Variants in PTPRB observed in about 807,000 individuals in gnomAD.
The protein encoded by PTPRB is receptor-type tyrosine-protein phosphatase beta.
Under a neutral mutation model 238.1 loss-of-function variants are expected in PTPRB, and 97 were observed. That is an observed-to-expected ratio of 0.41 (90% CI 0.35 to 0.48). The LOEUF is 0.48. PTPRB is among the 20% of genes least tolerant of loss of function. The pLI, the probability that PTPRB is intolerant of heterozygous loss-of-function variation, is 0.30. For missense variants in PTPRB, 2,292 were observed against 2,681.9 expected, an observed-to-expected ratio of 0.85 and a Z score of 3.21; for synonymous variants, 970 against 995.4, an observed-to-expected ratio of 0.97 and a Z score of 0.48.
chr12:70,618,963 A>C (rs927905621), intron 3 of PTPRB, among the ~76,000 whole-genome samples: 6 of 152,138 alleles, frequency 3.9e-5, no homozygotes, highest in African/African-American at 1.2e-4. Flanking sequence ...TCACACTGGC[A>C]GGTAAGGATG....
intron 3 of PTPRB, among the ~76,000 whole-genome samples, chr12:70,615,282 C>T (rs1237290303): frequency 2.0e-5 from 3 of 151,988 alleles, no homozygotes; most frequent in African/African-American, 7.3e-5. Flanking sequence ...AAATCATACC[C>T]AAGAAACTCT....
At chr12:70,610,005 G>A (rs1029745290) in intron 3 of PTPRB, among the ~76,000 whole-genome samples, 8 of 152,018 alleles carry the variant, frequency 5.3e-5, no homozygotes, top group African/African-American at 1.7e-4. Context: ...CGCCCCGGGC[G>A]GGCTGCGGAC....
intron 7 of PTPRB, chr12:70,591,913 T>C (rs1211916309): frequency 4.0e-6 from 1 of 252,354 alleles, no homozygotes; most frequent in Admixed American, 5.1e-5. Flanking sequence ...AGGCACTGGA[T>C]AGATAAGTGA....
intron 3 of PTPRB, among the ~76,000 whole-genome samples, chr12:70,621,533 G>C (rs1341236700): frequency 6.6e-6 from 1 of 152,166 alleles, no homozygotes; most frequent in Non-Finnish European, 1.5e-5. Context: ...AAAGTCCCAT[G>C]AGTTATTCAA....
intron 3 of PTPRB, among the ~76,000 whole-genome samples, chr12:70,618,988 G>A (rs1469335700): frequency 1.2e-4 from 18 of 152,122 alleles, no homozygotes; most frequent in Non-Finnish European, 2.9e-5. Context: ...AAGAGAGAGA[G>A]AAAAGGAGAA....
chr12:70,607,152 A>G (rs1884010159), intron 4 of PTPRB, among the ~76,000 whole-genome samples: 1 of 152,240 alleles, frequency 6.6e-6, no homozygotes, highest in Non-Finnish European at 1.5e-5. Context: ...CTAACTAATT[A>G]CACCCACAGT....
intron 9 of PTPRB, among the ~76,000 whole-genome samples, chr12:70,586,572 A>G (rs997065217): frequency 6.6e-6 from 1 of 152,176 alleles, no homozygotes; most frequent in Non-Finnish European, 1.5e-5. Context: ...TTGCCTACTC[A>G]TGGAATAACT....
intron 3 of PTPRB, chr12:70,609,751 G>T (rs1326617221): frequency 1.3e-6 from 2 of 1,573,802 alleles, no homozygotes; most frequent in Non-Finnish European, 1.7e-6. Context: ...CCCCTTCTCG[G>T]GCCACTCACC....
chr12:70,623,026 A>C (rs955325639), intron 2 of PTPRB, among the ~76,000 whole-genome samples: 1 of 152,118 alleles, frequency 6.6e-6, no homozygotes, highest in African/African-American at 2.4e-5. Context: ...GTATATGTGA[A>C]TATGTACTTT....
chr12:70,585,702 T>G (rs1244000826), intron 9 of PTPRB, among the ~76,000 whole-genome samples: 1 of 152,110 alleles, frequency 6.6e-6, no homozygotes, highest in Non-Finnish European at 1.5e-5. Context: ...AACATGCAGT[T>G]TTGTTACATA....
At chr12:70,549,443 A>G (rs1014414517) in intron 21 of PTPRB, among the ~76,000 whole-genome samples, 10 of 152,232 alleles carry the variant, frequency 6.6e-5, no homozygotes, top group African/African-American at 1.9e-4. Context: ...TTCTCTTTCC[A>G]TATGGAACAA....
chr12:70,532,248 A>G (rs1436066280), intron 31 of PTPRB, 78 bp from the exon 32 acceptor site: 12 of 1,446,434 alleles, frequency 8.3e-6, no homozygotes, highest in African/African-American at 1.5e-5. Flanking sequence ...ACTCTGGCAC[A>G]ATCTTTTTTT....
At chr12:70,549,969 G>A (rs1205248243) in intron 21 of PTPRB, among the ~76,000 whole-genome samples, 1 of 152,230 alleles carries the variant, frequency 6.6e-6, no homozygotes, top group Non-Finnish European at 1.5e-5. Context: ...CTTTGTGCCA[G>A]GAACTTGCCA....
chr12:70,540,295 T>G, intron 23 of PTPRB: 1 of 326,860 alleles, frequency 3.1e-6, no homozygotes, highest in South Asian at 1.1e-4. Flanking sequence ...AATAAAACTT[T>G]GCTTTAAAAA....
intron 18 of PTPRB, among the ~76,000 whole-genome samples, chr12:70,558,555 T>C (rs1171075650): frequency 6.6e-6 from 1 of 152,224 alleles, no homozygotes; most frequent in African/African-American, 2.4e-5. Context: ...TGATAGTATC[T>C]ATCCCAAAAT....
At chr12:70,534,228 A>G (rs17108296) in intron 31 of PTPRB, among the ~76,000 whole-genome samples, 2,428 of 152,260 alleles carry the variant, frequency 0.016, 69 homozygotes, top group African/African-American at 0.056. Flanking sequence ...AAGTAGGAAA[A>G]AAGCAAGAGG....
At chr12:70,547,930 G>A (rs1489073231) in intron 21 of PTPRB, among the ~76,000 whole-genome samples, 1 of 152,044 alleles carries the variant, frequency 6.6e-6, no homozygotes, top group South Asian at 2.1e-4. Context: ...ATGTCTTCTC[G>A]AAGATCACAC....
intron 4 of PTPRB, among the ~76,000 whole-genome samples, chr12:70,600,813 A>G (rs936554179): frequency 2.6e-5 from 4 of 152,168 alleles, no homozygotes; most frequent in South Asian, 4.1e-4. Context: ...CTCCCACCTC[A>G]GCCTCATGAG....
chr12:70,576,684 A>AGGGGG (rs1313001377), intron 10 of PTPRB, 39 bp from the exon 11 acceptor site: 158 of 29,786 alleles, frequency 5.3e-3, no homozygotes, highest in African/African-American at 0.013. Flanking sequence ...GGGGGGGGGA[A>AGGGGG]GGGGGATTCA....
Sources: gnomAD v4.1 joint callset for allele counts (sites outside exome capture counted in the v4.1 genomes callset) on GRCh38, gnomAD v4.1.1 for gene constraint, MANE v1.5 for transcripts, NCBI Gene and HGNC (gene_info 2026-07-23, HGNC 2026-07-21) for gene names.